INTS4: variants seen among roughly 807,000 people sequenced by gnomAD.
INTS4 encodes the protein integrator complex subunit 4, also known as MSTP093.
In INTS4, 70 loss-of-function variants were observed where a neutral mutation model predicts 119.5. That is an observed-to-expected ratio of 0.59 (90% confidence interval 0.48 to 0.71). INTS4 has a LOEUF of 0.71. Ranked by LOEUF, INTS4 falls within the 30% of genes least tolerant of loss-of-function variation. The probability of loss-of-function intolerance (pLI) is 0.00; values close to 1 mark genes in which losing one functional copy is unlikely to be tolerated. For synonymous variants in INTS4, 316 were observed against 419.6 expected (o/e 0.75, Z 3.02); for missense variants, 867 against 1,173.2 (o/e 0.74, Z 3.81).
rs913133709 is a variant in INTS4 at position 77,920,883 on chromosome 11, A to AATAT, written c.1764+453_1764+456dup. ...TAATAATAATAAAAATAAATAAATA[A>AATAT]ATATATATATATAACAATTTAAATT... On this transcript the variant is annotated intron_variant, in intron 14 of 22. Coordinates refer to ENST00000534064, the MANE Select transcript of INTS4 (RefSeq NM_033547.4). Among the ~76,000 whole-genome samples, 564 of 150,066 alleles carry AATAT rather than the reference A, an allele frequency of 3.8e-3. 8 individuals carry two copies. Among genetic ancestry groups the AATAT allele is most frequent in the Non-Finnish European group, 4.4e-3 (297 of 67,522 alleles).
chr11:77,962,852 TA>T (rs34894419), intron 4 of INTS4, among the ~76,000 whole-genome samples: 28,948 of 150,102 alleles, frequency 0.19, 2,818 homozygotes, highest in Middle Eastern at 0.23. Context: ...CCCATTTCTT[TA>T]AAAAAAAAAT....
At chr11:77,950,583 G>T (rs1420117589) in intron 8 of INTS4, among the ~76,000 whole-genome samples, 1 of 152,062 alleles carries the variant, frequency 6.6e-6, no homozygotes, top group Non-Finnish European at 1.5e-5. Flanking sequence ...TGCAAGAGAG[G>T]CTGTTGAAAG....
intron 7 of INTS4, 74 bp from the exon 8 acceptor site, chr11:77,956,136 C>T (rs1954315174): frequency 6.6e-7 from 1 of 1,520,738 alleles, no homozygotes; most frequent in Non-Finnish European, 8.8e-7. Context: ...AGGCCAGGCA[C>T]AGTGGCTCAC....
intron 10 of INTS4, among the ~76,000 whole-genome samples, chr11:77,932,272 T>A (rs991656076): frequency 4.6e-5 from 7 of 151,618 alleles, no homozygotes; most frequent in African/African-American, 1.7e-4. Flanking sequence ...CAAAAAACCA[T>A]GACCCCATCA....
intron 8 of INTS4, among the ~76,000 whole-genome samples, chr11:77,948,769 C>CA (rs1954113948): frequency 7.0e-6 from 1 of 142,392 alleles, no homozygotes; most frequent in Non-Finnish European, 1.5e-5. Context: ...AACAGAGAGA[C>CA]AGACACCCTG....
intron 5 of INTS4, among the ~76,000 whole-genome samples, 195 bp from the exon 6 acceptor site, chr11:77,960,586 T>G (rs534298451): frequency 2.6e-5 from 4 of 152,034 alleles, no homozygotes; most frequent in Admixed American, 2.6e-4. Flanking sequence ...ATCTAACCCA[T>G]GGACTGTCCC....
chr11:77,928,353 C>T lies in INTS4; in HGVS notation c.1360G>A (p.Ala454Thr), dbSNP rs1212751639. The T allele has an allele frequency of 8.7e-6, 14 of 1,612,808 alleles. No individual in the cohort carries two copies. The highest frequency in any genetic ancestry group is 1.2e-5 in the Non-Finnish European group (14 of 1,179,456). Residue 454 changes from alanine (A) to threonine (T), a missense_variant, in exon 11 of 23, where the codon GCT becomes ACT. This residue lies in a region of INTS4 where 51 missense variants were observed against 125.5 expected (regional missense o/e 0.41). Coordinates refer to ENST00000534064, the MANE Select transcript of INTS4 (RefSeq NM_033547.4). ...LREDQLDTVL[A>T]VLEDSSRDIR... ...TTAGAAACACTCACCTCTAGCACAG[C>T]CAGGACAGTGTCAAGCTGATCTTCT... is the stretch of plus-strand genomic sequence containing the variant.
intron 4 of INTS4, among the ~76,000 whole-genome samples, chr11:77,971,025 C>T (rs1473741330): frequency 6.6e-6 from 1 of 152,018 alleles, no homozygotes; most frequent in Non-Finnish European, 1.5e-5. Context: ...CCAGGCTGGT[C>T]TCGAACTCCT....
intron 1 of INTS4, among the ~76,000 whole-genome samples, 179 bp downstream of exon 1, chr11:77,994,411 T>C (rs1396915559): frequency 3.3e-5 from 5 of 152,196 alleles, no homozygotes; most frequent in Non-Finnish European, 5.9e-5. Context: ...AGACTTCACA[T>C]ATTAATGACA....
At chr11:77,976,514 C>G (rs1344438342) in intron 4 of INTS4, among the ~76,000 whole-genome samples, 1 of 152,190 alleles carries the variant, frequency 6.6e-6, no homozygotes, top group Non-Finnish European at 1.5e-5. Context: ...GAGACCCTGA[C>G]TCTATTCTTC....
At chr11:77,933,347 C>A (rs1044456258) in intron 10 of INTS4, among the ~76,000 whole-genome samples, 2 of 151,890 alleles carry the variant, frequency 1.3e-5, no homozygotes, top group Non-Finnish European at 2.9e-5. Flanking sequence ...CTCAGCCTGC[C>A]GAGTGCCTGG....
intron 19 of INTS4, among the ~76,000 whole-genome samples, chr11:77,893,832 G>A (rs1238871994): frequency 2.0e-5 from 3 of 151,962 alleles, no homozygotes; most frequent in African/African-American, 4.8e-5. Context: ...GGCGGAGGCT[G>A]CAGTGAGCCA....
At chr11:77,911,099 C>T (rs1269414443) in intron 15 of INTS4, 52 of 1,281,210 alleles carry the variant, frequency 4.1e-5, no homozygotes, top group Middle Eastern at 4.3e-4. Flanking sequence ...CGGCAGGTAA[C>T]GTTACGATAG....
At chr11:77,928,592 T>G (rs1591067867) in intron 10 of INTS4, 45 bp from the exon 11 acceptor site, 7 of 1,545,792 alleles carry the variant, frequency 4.5e-6, no homozygotes, top group African/African-American at 4.1e-5. Context: ...CTGGGCACAG[T>G]GGCTCACGCC....
At chr11:77,888,589 T>G (rs1162091156) in intron 21 of INTS4, among the ~76,000 whole-genome samples, 2 of 152,048 alleles carry the variant, frequency 1.3e-5, no homozygotes, top group Non-Finnish European at 2.9e-5. Flanking sequence ...CTAATTAAAC[T>G]AAAGAGCTTC....
At chr11:77,913,307 ATTTTT>A (rs565622764) in intron 15 of INTS4, among the ~76,000 whole-genome samples, 2 of 122,796 alleles carry the variant, frequency 1.6e-5, no homozygotes, top group African/African-American at 3.1e-5. Context: ...GTTAGTTTAA[ATTTTT>A]TTTTTTTTTT....
chr11:77,877,185 A>C, downstream of INTS4: 3 of 590,778 alleles, frequency 5.1e-6, no homozygotes, highest in Middle Eastern at 7.7e-4. Context: ...TGTGTGACCT[A>C]GGACAGGTTA....
chr11:77,879,353 A>G (rs1252307562), intron 22 of INTS4, among the ~76,000 whole-genome samples: 1 of 152,206 alleles, frequency 6.6e-6, no homozygotes, highest in Non-Finnish European at 1.5e-5. Flanking sequence ...AAAGCTGCTG[A>G]GGCAACTGGA....
chr11:77,885,792 C>T (rs764977833), intron 21 of INTS4, among the ~76,000 whole-genome samples: 2 of 151,820 alleles, frequency 1.3e-5, no homozygotes, highest in Non-Finnish European at 2.9e-5. Context: ...TGCACTCCAG[C>T]CTGGGTGACA....
Sources: gnomAD v4.1 joint callset for allele counts (sites outside exome capture counted in the v4.1 genomes callset) on GRCh38, gnomAD v4.1.1 for gene constraint, gnomAD v4.1.1 regional missense constraint, MANE v1.5 for transcripts, NCBI Gene and HGNC (gene_info 2026-07-23, HGNC 2026-07-21) for gene names.